PPFIA2: variants seen among roughly 807,000 people sequenced by gnomAD.
The protein encoded by PPFIA2 is PPFI scaffold protein A2.
Under a neutral mutation model 175.5 loss-of-function variants are expected in PPFIA2, and 46 were observed. That is an observed-to-expected ratio of 0.26 (90% confidence interval 0.21 to 0.34). PPFIA2 has a LOEUF of 0.34. Among genes scored for constraint, PPFIA2 ranks in the 10% least tolerant of loss-of-function variants. PPFIA2 has a pLI of 1.00. For missense variants in PPFIA2, 1,179 were observed against 1,506.1 expected (o/e 0.78, Z 3.60); for synonymous variants, 568 against 511.4 (o/e 1.11, Z -1.49).
chr12:81,459,405 T>C (rs1038404948), intron 4 of PPFIA2, among the ~76,000 whole-genome samples: 4 of 152,134 alleles, frequency 2.6e-5, no homozygotes, highest in African/African-American at 4.8e-5. Context: ...AAAAATCTTA[T>C]ACTTATGTAT....
At chr12:81,348,546 G>C (rs2059457999) in intron 17 of PPFIA2, among the ~76,000 whole-genome samples, 1 of 151,968 alleles carries the variant, frequency 6.6e-6, no homozygotes, top group Non-Finnish European at 1.5e-5. Context: ...GACCAGCCTG[G>C]CCAATATGGT....
At chr12:81,725,328 T>C (rs1470994657) in intron 3 of PPFIA2, among the ~76,000 whole-genome samples, 2 of 150,918 alleles carry the variant, frequency 1.3e-5, no homozygotes, top group African/African-American at 2.4e-5. Context: ...AATTTAAAAA[T>C]TGGAGCCAAT....
intron 4 of PPFIA2, among the ~76,000 whole-genome samples, chr12:81,634,502 A>G (rs1161188164): frequency 2.0e-5 from 3 of 152,062 alleles, no homozygotes; most frequent in Non-Finnish European, 2.9e-5. Context: ...AAATCTGTCA[A>G]TATCTTCCTG....
chr12:81,748,790 C>CA lies in PPFIA2; in HGVS notation c.249+5182dup, dbSNP rs755879330. ...ACTGATGAATATTATGTAATCCATC[C>CA]AAAATCAAGATTGTAAAATAATTTT... On this transcript the variant is annotated intron_variant, in intron 3 of 32. Coordinates refer to ENST00000549396, the MANE Select transcript of PPFIA2 (RefSeq NM_003625.5). Among the ~76,000 whole-genome samples, 2 of 144,092 alleles carry CA rather than the reference C, an allele frequency of 1.4e-5. 1 individual carries two copies. The highest frequency in any genetic ancestry group is 3.1e-5 in the Non-Finnish European group (2 of 64,348). 94.5% of individuals were successfully genotyped at this position (144,092 alleles called of 152,430 possible).
At position 81,670,664 on chromosome 12, in the gene PPFIA2, A is replaced by T. The variant is rs1298319006; in HGVS notation, c.303+6127T>A. ...GAATACAGTTGTTAGTCTTCCATTT[A>T]ATCTCTCAGGCCCCTGGAAACTTGA... On this transcript the variant is annotated intron_variant, in intron 4 of 32. Coordinates refer to ENST00000549396, the MANE Select transcript of PPFIA2 (RefSeq NM_003625.5). 1.1e-4 allele frequency among the ~76,000 whole-genome samples: 16 copies of T among 151,862 alleles called. No individual in the cohort carries two copies. The Admixed American group carries it at 1.1e-3, about 10-fold the overall frequency.
intron 31 of PPFIA2, among the ~76,000 whole-genome samples, chr12:81,262,275 CG>C (rs2035846831): frequency 6.6e-6 from 1 of 152,080 alleles, no homozygotes; most frequent in Admixed American, 6.5e-5. Flanking sequence ...TAGATAAAAT[CG>C]GTAACAAGAG....
intron 27 of PPFIA2, among the ~76,000 whole-genome samples, chr12:81,278,370 G>A (rs1197779208): frequency 7.2e-5 from 11 of 151,780 alleles, no homozygotes; most frequent in Admixed American, 6.6e-4. Flanking sequence ...GTGAAACCCC[G>A]TCTCTACTAA....
intron 4 of PPFIA2, among the ~76,000 whole-genome samples, chr12:81,561,428 T>C (rs2070046938): frequency 6.6e-6 from 1 of 152,272 alleles, no homozygotes; most frequent in Middle Eastern, 3.4e-3. Flanking sequence ...CAATCTCTCA[T>C]GTGAAGCAAA....
At chr12:81,305,635 C>T (rs2048953884) in intron 22 of PPFIA2, among the ~76,000 whole-genome samples, 3 of 152,106 alleles carry the variant, frequency 2.0e-5, no homozygotes, top group Admixed American at 2.0e-4. Flanking sequence ...TTCTCTATCC[C>T]TTGAGTGATG....
chr12:81,710,204 C>T (rs1204720075), intron 3 of PPFIA2, among the ~76,000 whole-genome samples: 4 of 151,618 alleles, frequency 2.6e-5, no homozygotes, highest in African/African-American at 4.8e-5. Flanking sequence ...TCTTTAGTTG[C>T]TTTACAGTAA....
intron 7 of PPFIA2, 128 bp downstream of exon 7, chr12:81,439,844 C>T (rs776016352): frequency 3.7e-6 from 3 of 813,130 alleles, no homozygotes; most frequent in Non-Finnish European, 5.7e-6. Context: ...TTCAACAAGC[C>T]TTGTTCAATG....
chr12:81,336,409 T>C (rs963091012), intron 21 of PPFIA2, among the ~76,000 whole-genome samples: 5 of 152,186 alleles, frequency 3.3e-5, no homozygotes, highest in Admixed American at 3.3e-4. Context: ...TCTTCATGGG[T>C]AGGAGTTATC....
At chr12:81,667,395 T>C (rs1040082687) in intron 4 of PPFIA2, among the ~76,000 whole-genome samples, 4 of 152,072 alleles carry the variant, frequency 2.6e-5, no homozygotes, top group Non-Finnish European at 5.9e-5. Context: ...TGTTAGCACC[T>C]TTCTTGAAAA....
At chr12:81,574,950 A>C (rs1397844044) in intron 4 of PPFIA2, among the ~76,000 whole-genome samples, 2 of 151,822 alleles carry the variant, frequency 1.3e-5, no homozygotes, top group African/African-American at 4.8e-5. Context: ...TGAATGCTAA[A>C]TAAATTGATG....
chr12:81,444,661 G>A (rs2050884394), intron 6 of PPFIA2, among the ~76,000 whole-genome samples: 1 of 151,832 alleles, frequency 6.6e-6, no homozygotes, highest in Non-Finnish European at 1.5e-5. Context: ...ACATCTGAAA[G>A]ACCAATGATA....
At chr12:81,262,177 C>T in intron 31 of PPFIA2, 137 bp from the exon 32 acceptor site, 1 of 630,078 alleles carries the variant, frequency 1.6e-6, no homozygotes, top group East Asian at 2.8e-5. Context: ...ATAAGCCACT[C>T]ACATTCCTCT....
intron 24 of PPFIA2, among the ~76,000 whole-genome samples, chr12:81,289,799 T>C (rs1349383256): frequency 6.6e-6 from 1 of 151,876 alleles, no homozygotes; most frequent in African/African-American, 2.4e-5. Flanking sequence ...CTGTAATTTT[T>C]ACCTGAGATA....
chr12:81,442,848 CATATATATATATATATATATATAT>C (rs35192542), intron 6 of PPFIA2, among the ~76,000 whole-genome samples: 346 of 14,102 alleles, frequency 0.025, 20 homozygotes, highest in African/African-American at 0.072. Context: ...TTTCTGACTT[CATATATATATATATATATATATAT>C]ATATATATAT....
At chr12:81,698,238 G>A (rs1396847839) in intron 3 of PPFIA2, among the ~76,000 whole-genome samples, 2 of 152,086 alleles carry the variant, frequency 1.3e-5, no homozygotes, top group Admixed American at 1.3e-4. Flanking sequence ...AATTACCATT[G>A]TGATGGTGTT....
Sources: gnomAD v4.1 joint callset for allele counts (sites outside exome capture counted in the v4.1 genomes callset) on GRCh38, gnomAD v4.1.1 for gene constraint, MANE v1.5 for transcripts, NCBI Gene and HGNC (gene_info 2026-07-23, HGNC 2026-07-21) for gene names.